Variants in CCDC7 observed in about 807,000 individuals in gnomAD.
CCDC7 encodes the protein coiled-coil domain-containing protein 7.
CCDC7 carries 183 observed loss-of-function variants against 196.9 expected under a neutral mutation model. The observed-to-expected ratio is 0.93, with a 90% confidence interval of 0.82 to 1.05. The LOEUF (loss-of-function observed/expected upper bound fraction) is 1.05, where lower values mean the gene tolerates loss of function less well. Ranked by LOEUF, CCDC7 falls within the 50% of genes least tolerant of loss-of-function variation. The pLI is 0.00. For missense variants in CCDC7, 1,540 were observed against 1,482.2 expected (o/e 1.04, Z -0.64); for synonymous variants, 525 against 484.6 (o/e 1.08, Z -1.10).
intron 29 of CCDC7, among the ~76,000 whole-genome samples, chr10:32,784,081 A>G (rs183690589): frequency 5.9e-5 from 9 of 152,328 alleles, no homozygotes; most frequent in Admixed American, 5.9e-4. Context: ...GTTGCACAAC[A>G]AAGTGATTGT....
intron 1 of CCDC7, 61 bp downstream of exon 2, chr10:32,451,982 G>T: frequency 6.6e-7 from 1 of 1,515,892 alleles, no homozygotes; most frequent in Admixed American, 2.2e-5. Flanking sequence ...GTTTAGTGAT[G>T]TGCTAGGAGG....
chr10:32,645,545 C>G (rs2067623311), intron 20 of CCDC7, among the ~76,000 whole-genome samples: 2 of 135,602 alleles, frequency 1.5e-5, no homozygotes, highest in Admixed American at 1.6e-4. Context: ...GTAATGCTGG[C>G]CTTGTAGAAT....
chr10:32,583,847 T>G (rs1221179075), intron 17 of CCDC7, among the ~76,000 whole-genome samples: 1 of 152,094 alleles, frequency 6.6e-6, no homozygotes, highest in East Asian at 1.9e-4. Flanking sequence ...TACATTTTAT[T>G]AAAGTATTCC....
At chr10:32,676,457 C>T (rs1416891578) in intron 21 of CCDC7, among the ~76,000 whole-genome samples, 8 of 150,622 alleles carry the variant, frequency 5.3e-5, no homozygotes, top group South Asian at 2.1e-4. Context: ...AGAAAATTTT[C>T]GCAACCTACT....
At chr10:32,500,423 C>T (rs1007057982) in intron 9 of CCDC7, among the ~76,000 whole-genome samples, 4 of 150,642 alleles carry the variant, frequency 2.7e-5, no homozygotes, top group African/African-American at 9.8e-5. Flanking sequence ...CACGGCCAGG[C>T]AGAGGCGCTC....
At position 32,828,559 on chromosome 10, in the gene CCDC7, A is replaced by AAAG. The variant is rs71515575; in HGVS notation, c.3268+3969_3268+3971dup. Among the ~76,000 whole-genome samples, 85 of 132,998 alleles carry AAAG rather than the reference A, an allele frequency of 6.4e-4. 1 individual carries two copies. The highest frequency in any genetic ancestry group is 9.7e-4 in the Admixed American group (13 of 13,390). The allele number at this position is 132,998 out of a possible 152,430, so 87.3% of individuals were successfully genotyped here. On this transcript the variant is annotated intron_variant, in intron 32 of 41. Coordinates refer to ENST00000639629, the Ensembl canonical transcript of CCDC7. ...GAAGAAGAAGAAGAAGAAGAAGAAG[A>AAAG]AAGAAGAAGAAGAAGAGCAGCAGTG...
intron 7 of CCDC7, 51 bp downstream of exon 8, chr10:32,472,593 GTTA>G (rs2038173996): frequency 7.0e-7 from 1 of 1,426,430 alleles, no homozygotes; most frequent in African/African-American, 1.5e-5. Context: ...TAAAAATTTT[GTTA>G]TTATTTTTAT....
rs192902823 is a variant in CCDC7 at position 32,804,701 on chromosome 10, C to T, written c.3014-314C>T. ...AATTCTGTAGGATATTTTAATTTTGCGTTACAGATAAGCACTGTTCAAAGT... is the reference window on the plus strand; with the variant it reads ...AATTCTGTAGGATATTTTAATTTTGTGTTACAGATAAGCACTGTTCAAAGT... On this transcript the variant is annotated intron_variant, in intron 29 of 41. Coordinates refer to ENST00000639629, the Ensembl canonical transcript of CCDC7. 6.6e-3 allele frequency among the ~76,000 whole-genome samples: 1,006 copies of T among 152,142 alleles called. 6 individuals carry two copies. Among genetic ancestry groups the T allele is most frequent in the South Asian group, 0.02 (98 of 4,818 alleles).
intron 28 of CCDC7, among the ~76,000 whole-genome samples, chr10:32,771,207 T>C (rs950899945): frequency 1.3e-5 from 2 of 152,322 alleles, no homozygotes; most frequent in South Asian, 4.1e-4. Context: ...TCAGTGCATA[T>C]TGTGCTTTTG....
chr10:32,798,293 T>C (rs2084038030), intron 29 of CCDC7, among the ~76,000 whole-genome samples: 1 of 152,170 alleles, frequency 6.6e-6, no homozygotes, highest in Admixed American at 6.5e-5. Context: ...TGCTGGCAAA[T>C]TGGACACACA....
chr10:32,666,399 T>C (rs761930869), intron 21 of CCDC7, among the ~76,000 whole-genome samples: 2 of 152,146 alleles, frequency 1.3e-5, no homozygotes, highest in Non-Finnish European at 2.9e-5. Flanking sequence ...TTTTATACTT[T>C]ACGTTCTAGG....
At chr10:32,644,502 C>T (rs904623455) in intron 20 of CCDC7, among the ~76,000 whole-genome samples, 3 of 152,144 alleles carry the variant, frequency 2.0e-5, no homozygotes, top group Non-Finnish European at 4.4e-5. Flanking sequence ...CTAGGTTCAT[C>T]CATGTTGTTG....
chr10:32,591,395 G>GA (rs1554879573), intron 18 of CCDC7, among the ~76,000 whole-genome samples: 1 of 151,274 alleles, frequency 6.6e-6, no homozygotes, highest in Non-Finnish European at 1.5e-5. Flanking sequence ...CTAGAATTAG[G>GA]AAAAATTAAG....
Position 32,837,600 on chromosome 10 carries a change from A to T in CCDC7, c.3352+2702A>T, listed in dbSNP as rs560967510. 1.2e-4 allele frequency among the ~76,000 whole-genome samples: 18 copies of T among 152,262 alleles called. No homozygotes were observed. The South Asian group carries it at 3.7e-3, about 32-fold the overall frequency. ...GTATATACCCAAAGGATTATAAAACAAGCTGCTATAAAGACACATGCACAT... is the reference window on the plus strand; with the variant it reads ...GTATATACCCAAAGGATTATAAAACTAGCTGCTATAAAGACACATGCACAT... On this transcript the variant is annotated intron_variant, in intron 33 of 41. Transcript: ENST00000639629.
intron 18 of CCDC7, among the ~76,000 whole-genome samples, chr10:32,624,399 A>T (rs2063746500): frequency 6.6e-6 from 1 of 152,202 alleles, no homozygotes; most frequent in Non-Finnish European, 1.5e-5. Context: ...AGCAGTCAAC[A>T]GTTCTACCAA....
At chr10:32,615,105 G>A (rs192400946) in intron 18 of CCDC7, among the ~76,000 whole-genome samples, 147 of 152,074 alleles carry the variant, frequency 9.7e-4, no homozygotes, top group African/African-American at 3.2e-3. Context: ...TGTTGTTTCC[G>A]TATCTTTGCT....
chr10:32,738,663 AG>A (rs1177858882), intron 28 of CCDC7, among the ~76,000 whole-genome samples: 4 of 151,708 alleles, frequency 2.6e-5, no homozygotes, highest in African/African-American at 9.7e-5. Flanking sequence ...TTGTAGAGCT[AG>A]GTCTTTGCCA....
At chr10:32,753,866 T>G (rs1227007614) in intron 28 of CCDC7, among the ~76,000 whole-genome samples, 1 of 152,178 alleles carries the variant, frequency 6.6e-6, no homozygotes, top group Non-Finnish European at 1.5e-5. Context: ...TTTTCTTAAT[T>G]GTTTATTTTT....
chr10:32,459,223 T>A (rs576393319), intron 3 of CCDC7, among the ~76,000 whole-genome samples: 57 of 152,300 alleles, frequency 3.7e-4, no homozygotes, highest in African/African-American at 1.4e-3. Flanking sequence ...TATAATCATG[T>A]TGTCTGCAAA....
Sources: allele counts gnomAD v4.1 joint callset (sites outside exome capture counted in the v4.1 genomes callset), GRCh38; gene constraint gnomAD v4.1.1; transcripts MANE v1.5; gene names NCBI Gene and HGNC (gene_info 2026-07-23, HGNC 2026-07-21).